Variants in MARK3 observed in about 807,000 individuals in gnomAD.
MARK3 encodes the protein MAP/microtubule affinity-regulating kinase 3.
A neutral mutation model predicts 90.1 loss-of-function variants in MARK3; 46 were observed. That is an observed-to-expected ratio of 0.51 (90% CI 0.40 to 0.65). The LOEUF is 0.65. MARK3 is among the 30% of genes least tolerant of loss of function. MARK3 has a pLI of 0.00. For missense variants in MARK3, 818 were observed against 947.2 expected, an observed-to-expected ratio of 0.86 and a Z score of 1.79; for synonymous variants, 321 against 332.6, an observed-to-expected ratio of 0.97 and a Z score of 0.38.
chr14:103,432,552 TGAA>T (rs35902818), intron 3 of MARK3, among the ~76,000 whole-genome samples: 43,241 of 151,780 alleles, frequency 0.28, 7,217 homozygotes, highest in Non-Finnish European at 0.36. Context: ...AGGCAAAGGC[TGAA>T]GAAGGCTGAG....
intron 13 of MARK3, among the ~76,000 whole-genome samples, chr14:103,479,628 C>CTTTTTTTTTT (rs34768749): frequency 4.0e-4 from 31 of 78,248 alleles, no homozygotes; most frequent in South Asian, 6.2e-4. Flanking sequence ...ATACGTATAG[C>CTTTTTTTTTT]TTTTTTTTTT....
At chr14:103,414,063 G>T (rs950460882) in intron 2 of MARK3, among the ~76,000 whole-genome samples, 3 of 152,120 alleles carry the variant, frequency 2.0e-5, no homozygotes, top group Non-Finnish European at 2.9e-5. Flanking sequence ...TTACTGGATC[G>T]TGTGGTAAAG....
intron 2 of MARK3, among the ~76,000 whole-genome samples, chr14:103,426,895 A>T (rs1044535912): frequency 6.0e-5 from 4 of 66,706 alleles, no homozygotes; most frequent in East Asian, 2.7e-4. Context: ...TCTATTTAAA[A>T]AAAAAAAAAA....
At chr14:103,391,709 ATTTTTTTTTTT>A (rs71126012) in intron 1 of MARK3, among the ~76,000 whole-genome samples, 9 of 69,694 alleles carry the variant, frequency 1.3e-4, no homozygotes, top group African/African-American at 5.3e-4. Flanking sequence ...ATGCCTGGCT[ATTTTTTTTTTT>A]TTTTTTTTTT....
chr14:103,395,225 G>A (rs2090505558), intron 1 of MARK3, among the ~76,000 whole-genome samples: 1 of 151,898 alleles, frequency 6.6e-6, no homozygotes, highest in Admixed American at 6.6e-5. Context: ...CAAAAAAGAA[G>A]GAACAACATA....
intron 15 of MARK3, 98 bp from the exon 16 acceptor site, chr14:103,498,404 G>A: frequency 1.2e-6 from 1 of 860,140 alleles, no homozygotes; most frequent in Non-Finnish European, 1.6e-6. Flanking sequence ...ACCCTGCTTT[G>A]TTTTTTTTCT....
chr14:103,458,078 C>T (rs1467036477), intron 6 of MARK3, among the ~76,000 whole-genome samples: 3 of 152,290 alleles, frequency 2.0e-5, no homozygotes, highest in Middle Eastern at 3.4e-3. Context: ...CAGCAAACTT[C>T]TGTAAAGGGC....
chr14:103,440,147 C>A (rs2092815310), intron 3 of MARK3, among the ~76,000 whole-genome samples: 1 of 152,216 alleles, frequency 6.6e-6, no homozygotes, highest in African/African-American at 2.4e-5. Context: ...AATTCACCTT[C>A]ACTGCTATGT....
At chr14:103,474,392 C>T (rs1398209513) in intron 12 of MARK3, among the ~76,000 whole-genome samples, 1 of 151,660 alleles carries the variant, frequency 6.6e-6, no homozygotes, top group African/African-American at 2.4e-5. Context: ...TCCCTAGGCA[C>T]ATGTCCCTGG....
chr14:103,487,791 G>A (rs1468604519), intron 14 of MARK3, among the ~76,000 whole-genome samples: 1 of 151,936 alleles, frequency 6.6e-6, no homozygotes, highest in Non-Finnish European at 1.5e-5. Context: ...GCTCACACCT[G>A]TAATCCCAGC....
rs765755936 is a variant in MARK3 at position 103,465,515 on chromosome 14, T to C, written c.541-42T>C. The C allele has an allele frequency of 1.1e-5, 15 of 1,388,544 alleles. 1 individual carries two copies. The South Asian group carries it at 1.7e-4, about 16-fold the overall frequency. The allele number at this position is 1,388,544 out of a possible 1,614,324, so 86.0% of individuals were successfully genotyped here. ...TAATCCTGTCATAATTCTAATTCTA[T>C]TTTGGCTAAATTTCATTTTTGTCTT... is the stretch of plus-strand genomic sequence containing the variant. On this transcript the variant is annotated intron_variant, in intron 7 of 17. Coordinates refer to ENST00000429436, the MANE Select transcript of MARK3 (RefSeq NM_001128918.3).
At chr14:103,398,494 A>G (rs1346287913) in intron 1 of MARK3, among the ~76,000 whole-genome samples, 1 of 152,128 alleles carries the variant, frequency 6.6e-6, no homozygotes, top group Non-Finnish European at 1.5e-5. Context: ...TTATCAAATC[A>G]AGGACAGACA....
chr14:103,421,001 G>A (rs941810172), intron 2 of MARK3, among the ~76,000 whole-genome samples: 1 of 152,072 alleles, frequency 6.6e-6, no homozygotes, highest in East Asian at 1.9e-4. Flanking sequence ...ACGCACCCTT[G>A]AGTGAAACTT....
At chr14:103,500,551 G>A (rs2075605083) in intron 17 of MARK3, among the ~76,000 whole-genome samples, 1 of 152,080 alleles carries the variant, frequency 6.6e-6, no homozygotes, top group South Asian at 2.1e-4. Flanking sequence ...TAAAAGCAAA[G>A]TACTTAATAG....
chr14:103,426,547 T>C (rs183992317), intron 2 of MARK3, among the ~76,000 whole-genome samples: 6 of 152,236 alleles, frequency 3.9e-5, no homozygotes, highest in African/African-American at 1.4e-4. Flanking sequence ...TCATTTGCTG[T>C]TTTGGAGCTC....
Position 103,503,063 on chromosome 14 carries a change from T to C in MARK3, c.2098T>C (p.Cys700Arg). The change falls in exon 18 of 18, where the codon TGC becomes CGC. Residue 700 changes from cysteine to arginine, a missense_variant. Cys to Arg is a radical substitution (Grantham distance 180). This residue lies in a region of MARK3 where 560 missense variants were observed against 613.5 expected (regional missense o/e 0.91). Transcript: ENST00000429436. ...YEQRERFLLFCVHGDGHAENL... is the reference protein window; with the variant it reads ...YEQRERFLLFRVHGDGHAENL... ...GCAGAGGGAGCGCTTCTTGCTCTTC[T>C]GCGTCCACGGAGATGGGCACGCGGA... 1 of 1,614,220 alleles carries C rather than the reference T, an allele frequency of 6.2e-7. No individual in the cohort carries two copies. Among genetic ancestry groups the C allele is most frequent in the South Asian group, 1.1e-5 (1 of 91,084 alleles).
intron 1 of MARK3, among the ~76,000 whole-genome samples, chr14:103,395,933 G>A (rs1377628811): frequency 6.6e-6 from 1 of 152,120 alleles, no homozygotes. Context: ...ATTTCTTTGT[G>A]GTGCTCTTGA....
intron 2 of MARK3, among the ~76,000 whole-genome samples, chr14:103,416,776 A>G (rs1273244200): frequency 6.6e-6 from 1 of 152,164 alleles, no homozygotes; most frequent in Non-Finnish European, 1.5e-5. Context: ...CTGTCTCAAA[A>G]AATAAAGAAA....
intron 3 of MARK3, among the ~76,000 whole-genome samples, chr14:103,444,009 A>C (rs2092927149): frequency 6.6e-6 from 1 of 150,830 alleles, no homozygotes; most frequent in Non-Finnish European, 1.5e-5. Context: ...GTGATGGTTT[A>C]GATCAGTTTT....
Sources: allele counts gnomAD v4.1 joint callset (sites outside exome capture counted in the v4.1 genomes callset), GRCh38; gene constraint gnomAD v4.1.1; regional missense constraint gnomAD v4.1.1; transcripts MANE v1.5; gene names NCBI Gene and HGNC (gene_info 2026-07-23, HGNC 2026-07-21).